CLIP2: variants seen among roughly 807,000 people sequenced by gnomAD.
CLIP2 encodes CAP-Gly domain containing linker protein 2.
CLIP2 carries 41 observed loss-of-function variants against 111.7 expected under a neutral mutation model. The ratio of observed to expected loss-of-function variants is 0.37; its 90% confidence interval spans 0.29 to 0.48. The LOEUF (loss-of-function observed/expected upper bound fraction) is 0.48. Ranked by LOEUF, CLIP2 falls within the 20% of genes least tolerant of loss-of-function variation. The pLI is 0.99. For synonymous variants in CLIP2, 660 were observed against 644.2 expected, an observed-to-expected ratio of 1.02 and a Z score of -0.37; for missense variants, 1,160 against 1,422.1, an observed-to-expected ratio of 0.82 and a Z score of 2.96.
intron 2 of CLIP2, among the ~76,000 whole-genome samples, chr7:74,333,213 T>C (rs1789348815): frequency 6.6e-6 from 1 of 152,176 alleles, no homozygotes; most frequent in African/African-American, 2.4e-5. Context: ...AGACAGAGTC[T>C]TGCTCTGTCG....
chr7:74,349,771 G>A (rs1789927642), intron 3 of CLIP2, among the ~76,000 whole-genome samples: 4 of 151,232 alleles, frequency 2.6e-5, no homozygotes, highest in South Asian at 2.1e-4. Context: ...GCACCACCAC[G>A]CCCCGCTAAT....
rs971660204 is a variant in CLIP2 at position 74,357,567 on chromosome 7, G to A, written c.1215+90G>A. The A allele has an allele frequency of 6.6e-6, 8 of 1,215,418 alleles. No homozygotes were observed. In the African/African-American group the frequency reaches 1.1e-4, roughly 16 times the overall value. The allele number at this position is 1,215,418 out of a possible 1,614,324, so 75.3% of individuals were successfully genotyped here. ...AGAGCGGAGACCCTGGAGGGGGTGG[G>A]TGCAGAGAAATATGAAGATAACACA... On this transcript the variant is annotated intron_variant, in intron 6 of 16. Transcript: ENST00000223398.
At chr7:74,367,505 T>G (rs1049822745) in intron 8 of CLIP2, among the ~76,000 whole-genome samples, 36 of 152,118 alleles carry the variant, frequency 2.4e-4, no homozygotes, top group African/African-American at 8.4e-4. Context: ...TGTTTAATTT[T>G]TATACAGATG....
chr7:74,334,319 C>T (rs1554731765), intron 2 of CLIP2, among the ~76,000 whole-genome samples: 2 of 152,146 alleles, frequency 1.3e-5, no homozygotes, highest in Non-Finnish European at 2.9e-5. Flanking sequence ...GTGCAGTTGC[C>T]ATGGGCTCGT....
chr7:74,305,274 T>A (rs1377799545), intron 1 of CLIP2, among the ~76,000 whole-genome samples: 1 of 151,136 alleles, frequency 6.6e-6, no homozygotes, highest in Non-Finnish European at 1.5e-5. Context: ...GTTTGCATTT[T>A]CCTGTTCCTG....
intron 1 of CLIP2, among the ~76,000 whole-genome samples, chr7:74,311,532 G>T (rs1432970023): frequency 1.3e-5 from 2 of 152,086 alleles, no homozygotes; most frequent in African/African-American, 4.8e-5. Flanking sequence ...ATCTTCTTCG[G>T]TGAAATGTAT....
intron 8 of CLIP2, among the ~76,000 whole-genome samples, chr7:74,369,205 G>A (rs1187539276): frequency 6.6e-6 from 1 of 152,082 alleles, no homozygotes; most frequent in African/African-American, 2.4e-5. Context: ...ACAAAAATTA[G>A]CTGGGCATGG....
At chr7:74,351,052 GAGA>G (rs1789976356) in intron 3 of CLIP2, among the ~76,000 whole-genome samples, 2 of 113,678 alleles carry the variant, frequency 1.8e-5, no homozygotes, top group South Asian at 3.0e-4. Context: ...AGGGAAGGAA[GAGA>G]AGAAAGAAAG....
rs782755044 is a variant in CLIP2 at position 74,338,881 on chromosome 7, C to T, written c.555C>T (p.Ile185=). 1 of 1,606,728 alleles carries T rather than the reference C, an allele frequency of 6.2e-7. No homozygotes were observed. Among genetic ancestry groups the T allele is most frequent in the Non-Finnish European group, 8.5e-7 (1 of 1,179,922 alleles). The change falls in exon 3 of 17, where the codon ATC becomes ATT. Residue 185 remains isoleucine, a synonymous_variant. Coordinates refer to ENST00000223398, the MANE Select transcript of CLIP2 (RefSeq NM_003388.5). This position sits in a 1 kb window ranked among gnomAD's most constrained non-coding sequence, Gnocchi z 4.3. Reference sequence around the variant, plus strand: ...CGCCCCCGCTGACCAGCCGCGTCATCCCCCTGCGGGAGAGCGTCCTCAACA... The same window carrying T: ...CGCCCCCGCTGACCAGCCGCGTCATTCCCCTGCGGGAGAGCGTCCTCAACA... ...TATPPLTSRV[I]PLRESVLNSS... is the part of the protein sequence containing the mutation.
At chr7:74,303,681 G>A (rs1483420181) in intron 1 of CLIP2, among the ~76,000 whole-genome samples, 1 of 151,272 alleles carries the variant, frequency 6.6e-6, no homozygotes, top group Non-Finnish European at 1.5e-5. Flanking sequence ...GGAGGTGAAG[G>A]CAGGCGGATC....
chr7:74,401,601 C>T lies in CLIP2; in HGVS notation c.3129+34C>T, dbSNP rs782420875. 19 of 1,598,594 alleles carry T rather than the reference C, an allele frequency of 1.2e-5. 1 individual carries two copies. Among genetic ancestry groups the T allele is most frequent in the African/African-American group, 4.0e-5 (3 of 74,618 alleles). ...CGCCTCGGGCCTCCCAGGTCCCTCC[C>T]GTGCAGGCAGACCTCTCTGGAGAAA... is the stretch of plus-strand genomic sequence containing the variant. On this transcript the variant is annotated intron_variant, in intron 16 of 16. Coordinates refer to ENST00000223398, the MANE Select transcript of CLIP2 (RefSeq NM_003388.5).
Position 74,338,339 on chromosome 7 carries a change from C to T in CLIP2, c.122-109C>T. The T allele has an allele frequency of 8.2e-7, 1 of 1,224,150 alleles. No individual in the cohort carries two copies. Among genetic ancestry groups the T allele is most frequent in the Non-Finnish European group, 1.1e-6 (1 of 896,088 alleles). 75.8% of individuals were successfully genotyped at this position (1,224,150 alleles called of 1,614,324 possible). ...CGAGATGGTGAAACCCCATCTCTACCCAAAAATACAAATCAGCCACCTCCC... is the reference window on the plus strand; with the variant it reads ...CGAGATGGTGAAACCCCATCTCTACTCAAAAATACAAATCAGCCACCTCCC... On this transcript the variant is annotated intron_variant, in intron 2 of 16. Transcript: ENST00000223398. This position sits in a 1 kb window ranked among gnomAD's most constrained non-coding sequence, Gnocchi z 4.3.
At chr7:74,350,982 G>A (rs1339826509) in intron 3 of CLIP2, among the ~76,000 whole-genome samples, 1 of 125,264 alleles carries the variant, frequency 8.0e-6, no homozygotes, top group Non-Finnish European at 1.7e-5. Context: ...AAGGAAGGAA[G>A]GGAAGGAAGA....
chr7:74,372,899 AC>A (rs782790707), intron 8 of CLIP2, 32 bp from the exon 9 acceptor site: 36 of 84,650 alleles, frequency 4.3e-4, no homozygotes, highest in East Asian at 6.5e-4. Flanking sequence ...CCCCGCCCCC[AC>A]CCCCCCACCG....
chr7:74,314,384 A>G (rs1291229780), intron 1 of CLIP2, among the ~76,000 whole-genome samples: 1 of 152,022 alleles, frequency 6.6e-6, no homozygotes, highest in African/African-American at 2.4e-5. Flanking sequence ...CCAGCTACTC[A>G]GGGGACTGAG....
intron 13 of CLIP2, among the ~76,000 whole-genome samples, chr7:74,393,117 C>T (rs564639859): frequency 2.7e-4 from 41 of 150,864 alleles, no homozygotes; most frequent in Non-Finnish European, 4.7e-4. Flanking sequence ...GTCACTGCAA[C>T]CTCCACCTTC....
intron 14 of CLIP2, among the ~76,000 whole-genome samples, chr7:74,397,487 G>T (rs968367216): frequency 4.6e-5 from 7 of 152,000 alleles, no homozygotes; most frequent in African/African-American, 1.4e-4. Flanking sequence ...TATCTGACCT[G>T]TCCAGAGGCA....
At chr7:74,319,793 C>T (rs1275156759) in intron 2 of CLIP2, among the ~76,000 whole-genome samples, 4 of 149,034 alleles carry the variant, frequency 2.7e-5, no homozygotes, top group African/African-American at 9.8e-5. Context: ...TGCACTCCAG[C>T]CTGAGTGACA....
chr7:74,297,454 G>T (rs1174901175), intron 1 of CLIP2, among the ~76,000 whole-genome samples: 1 of 151,978 alleles, frequency 6.6e-6, no homozygotes. Flanking sequence ...TCCAGCCTGG[G>T]GGACAGAGCA....
Sources: gnomAD v4.1 joint callset for allele counts (sites outside exome capture counted in the v4.1 genomes callset) on GRCh38, gnomAD v4.1.1 for gene constraint, Gnocchi (gnomAD v3.1) non-coding constraint, MANE v1.5 for transcripts, NCBI Gene and HGNC (gene_info 2026-07-23, HGNC 2026-07-21) for gene names.